The following SLCO1B1 variants were observed in gnomAD, a reference collection of about 807,000 sequenced individuals.
The protein encoded by SLCO1B1 is solute carrier organic anion transporter family member 1B1.
In SLCO1B1, 81 loss-of-function variants were observed where a neutral mutation model predicts 70.1. That is an observed-to-expected ratio of 1.16 (90% confidence interval 0.97 to 1.39). The LOEUF (loss-of-function observed/expected upper bound fraction) is 1.39. Among genes scored for constraint, SLCO1B1 ranks in the 40% most tolerant of loss-of-function variants. SLCO1B1 has a pLI of 0.00. For missense variants in SLCO1B1, 895 were observed against 799.6 expected, an observed-to-expected ratio of 1.12 and a Z score of -1.44; for synonymous variants, 283 against 271.5, an observed-to-expected ratio of 1.04 and a Z score of -0.42.
In SLCO1B1 at chr12:21,205,920, G is replaced by A. The variant is rs778655808; in HGVS notation, c.1384G>A (p.Asp462Asn). Residue 462 changes from aspartate to asparagine, a missense_variant, in exon 11 of 15, where the codon GAC becomes AAC. Transcript: ENST00000256958. ...TGTACCACTTTCTTATTGCAACTCAGACTGCAATTGTGATGAAAGTCAATG... is the reference window on the plus strand; with the variant it reads ...TGTACCACTTTCTTATTGCAACTCAAACTGCAATTGTGATGAAAGTCAATG... ...RDVPLSYCNS[D>N]CNCDESQWEP... 8.7e-6 allele frequency: 14 copies of A among 1,610,646 alleles called. No individual in the cohort carries two copies. The highest frequency in any genetic ancestry group is 1.2e-5 in the Non-Finnish European group (14 of 1,177,446).
At chr12:21,143,179 C>G (rs1486093440) in intron 2 of SLCO1B1, among the ~76,000 whole-genome samples, 1 of 151,978 alleles carries the variant, frequency 6.6e-6, no homozygotes, top group Non-Finnish European at 1.5e-5. Context: ...TCTGAGCTTA[C>G]TTTTTATTCA....
intron 2 of SLCO1B1, among the ~76,000 whole-genome samples, chr12:21,161,867 G>GAC (rs1940623891): frequency 1.3e-5 from 2 of 152,016 alleles, no homozygotes; most frequent in Non-Finnish European, 2.9e-5. Flanking sequence ...AATTAGCCAG[G>GAC]TGTGATGGCA....
intron 11 of SLCO1B1, among the ~76,000 whole-genome samples, chr12:21,210,237 T>A (rs951964762): frequency 2.3e-5 from 3 of 133,234 alleles, no homozygotes; most frequent in African/African-American, 8.6e-5. Flanking sequence ...GATTTTTGTA[T>A]AAGGTGTAAG....
intron 8 of SLCO1B1, among the ~76,000 whole-genome samples, chr12:21,198,750 T>C (rs1469337330): frequency 6.6e-6 from 1 of 152,094 alleles, no homozygotes; most frequent in Admixed American, 6.6e-5. Flanking sequence ...GTGTAAACAA[T>C]GAGAACTTTT....
At chr12:21,155,711 A>G (rs1383622633) in intron 2 of SLCO1B1, among the ~76,000 whole-genome samples, 1 of 152,192 alleles carries the variant, frequency 6.6e-6, no homozygotes, top group Non-Finnish European at 1.5e-5. Flanking sequence ...GGTGATGACC[A>G]GTAACCAATA....
chr12:21,201,522 A>G (rs1471437554), intron 9 of SLCO1B1, among the ~76,000 whole-genome samples: 1 of 152,154 alleles, frequency 6.6e-6, no homozygotes, highest in Non-Finnish European at 1.5e-5. Context: ...TCCTGTATGT[A>G]GAGCGATTTG....
chr12:21,237,108 CTTCTA>C (rs749116302), intron 14 of SLCO1B1, among the ~76,000 whole-genome samples: 1 of 151,948 alleles, frequency 6.6e-6, no homozygotes, highest in Non-Finnish European at 1.5e-5. Flanking sequence ...CTATTTTTGT[CTTCTA>C]TTCTTTTTTC....
At chr12:21,197,715 C>G (rs191162458) in intron 8 of SLCO1B1, among the ~76,000 whole-genome samples, 1 of 151,810 alleles carries the variant, frequency 6.6e-6, no homozygotes, top group South Asian at 2.1e-4. Flanking sequence ...AGAAGGAAGT[C>G]GGGAGAAGTT....
intron 11 of SLCO1B1, among the ~76,000 whole-genome samples, chr12:21,214,113 A>G (rs4322445): frequency 0.49 from 73,852 of 151,872 alleles, 18,317 homozygotes; most frequent in East Asian, 0.73. Context: ...GAGGAACTGC[A>G]TTCCTTTGGA....
intron 7 of SLCO1B1, among the ~76,000 whole-genome samples, chr12:21,193,810 A>C (rs1052238298): frequency 9.2e-5 from 14 of 151,898 alleles, no homozygotes; most frequent in African/African-American, 3.4e-4. Flanking sequence ...TTTATTTTGG[A>C]GACAGAGTCT....
chr12:21,177,651 CTACT>C (rs1285716122), intron 5 of SLCO1B1, among the ~76,000 whole-genome samples: 35 of 152,102 alleles, frequency 2.3e-4, no homozygotes, highest in African/African-American at 7.7e-4. Flanking sequence ...ATATACTTAC[CTACT>C]TAGTCTGAAA....
intron 11 of SLCO1B1, among the ~76,000 whole-genome samples, chr12:21,215,372 A>G (rs961740473): frequency 6.6e-6 from 1 of 152,212 alleles, no homozygotes; most frequent in African/African-American, 2.4e-5. Flanking sequence ...AGTTTGTTGA[A>G]GAACTTTATC....
chr12:21,156,079 TA>T lies in SLCO1B1; in HGVS notation c.84+14422del, dbSNP rs1940539335. Among the ~76,000 whole-genome samples, 3 of 152,216 alleles carry T rather than the reference TA, an allele frequency of 2.0e-5. No individual in the cohort carries two copies. In the East Asian group the frequency reaches 5.8e-4, roughly 29 times the overall value. Reference sequence around the variant, plus strand: ...CATGTATTTTAATAGGGAAAGTATATAGTAATTGAAAAGAAAAACCAAAATC... The same window carrying T: ...CATGTATTTTAATAGGGAAAGTATATGTAATTGAAAAGAAAAACCAAAATC... On this transcript the variant is annotated intron_variant, in intron 2 of 14. Coordinates refer to ENST00000256958, the MANE Select transcript of SLCO1B1 (RefSeq NM_006446.5).
intron 7 of SLCO1B1, among the ~76,000 whole-genome samples, chr12:21,187,911 T>C (rs1940981817): frequency 6.6e-6 from 1 of 152,168 alleles, no homozygotes; most frequent in Non-Finnish European, 1.5e-5. Context: ...CTGATGGAGA[T>C]GAGTGCCTGC....
At chr12:21,137,800 C>T (rs1381735480) in intron 1 of SLCO1B1, among the ~76,000 whole-genome samples, 1 of 152,242 alleles carries the variant, frequency 6.6e-6, no homozygotes, top group Non-Finnish European at 1.5e-5. Flanking sequence ...TGAGGCAATG[C>T]CTCGCCCTGC....
intron 9 of SLCO1B1, 150 bp from the exon 10 acceptor site, chr12:21,202,341 C>T (rs760149886): frequency 1.0e-4 from 62 of 616,282 alleles, no homozygotes; most frequent in Admixed American, 5.9e-4. Flanking sequence ...CAAACATGCA[C>T]ATTCTGCACA....
chr12:21,137,830 G>A lies in SLCO1B1; in HGVS notation c.-61-3684G>A, dbSNP rs188855176. On this transcript the variant is annotated intron_variant, in intron 1 of 14. Coordinates refer to ENST00000256958, the MANE Select transcript of SLCO1B1 (RefSeq NM_006446.5). ...CCCTGCTTTGGCTTGCGCACGGTGC[G>A]CTTCACCCACTGTCCTGCACCTACT... Among the ~76,000 whole-genome samples, 470 of 152,302 alleles carry A rather than the reference G, an allele frequency of 3.1e-3. 2 individuals are homozygous for A. Among genetic ancestry groups the A allele is most frequent in the African/African-American group, 0.01 (426 of 41,572 alleles).
intron 2 of SLCO1B1, among the ~76,000 whole-genome samples, chr12:21,167,903 G>A (rs1288603796): frequency 2.0e-5 from 3 of 148,014 alleles, no homozygotes; most frequent in East Asian, 4.0e-4. Flanking sequence ...TGCAACCGCC[G>A]CCTCCTGGGT....
chr12:21,148,540 T>A (rs1272613827), intron 2 of SLCO1B1, among the ~76,000 whole-genome samples: 7 of 152,184 alleles, frequency 4.6e-5, no homozygotes, highest in African/African-American at 1.7e-4. Context: ...GCATTATTTC[T>A]GAGGTCTCTG....
Sources: allele counts gnomAD v4.1 joint callset (sites outside exome capture counted in the v4.1 genomes callset), GRCh38; gene constraint gnomAD v4.1.1; transcripts MANE v1.5; gene names NCBI Gene and HGNC (gene_info 2026-07-23, HGNC 2026-07-21).